Variants in RPAP2 observed in about 807,000 individuals in gnomAD.
RPAP2 encodes the protein putative RNA polymerase II subunit B1 CTD phosphatase RPAP2.
In RPAP2, 52 loss-of-function variants were observed where a neutral mutation model predicts 73.1. That is an observed-to-expected ratio of 0.71 (90% CI 0.57 to 0.90). The LOEUF (loss-of-function observed/expected upper bound fraction) is 0.90. Among genes scored for constraint, RPAP2 ranks in the 40% least tolerant of loss-of-function variants. The probability of loss-of-function intolerance (pLI) is 0.00; values close to 1 mark genes in which losing one functional copy is unlikely to be tolerated. For synonymous variants in RPAP2, 225 were observed against 242.1 expected (o/e 0.93, Z 0.65); for missense variants, 598 against 701.8 (o/e 0.85, Z 1.67).
At chr1:92,327,317 CTG>C (rs1162258478) in intron 8 of RPAP2, among the ~76,000 whole-genome samples, 2 of 152,042 alleles carry the variant, frequency 1.3e-5, no homozygotes, top group African/African-American at 2.4e-5. Flanking sequence ...CTCGTAGTAA[CTG>C]TTTTATAAAT....
In RPAP2 at chr1:92,395,060, T is replaced by G. The variant is rs1656151311; in HGVS notation, c.*8049T>G. 6.6e-6 allele frequency: 1 copy of G among 152,214 alleles called. No individual in the cohort carries two copies. The highest frequency in any genetic ancestry group is 2.1e-4 in the South Asian group (1 of 4,838). 9.4% of individuals were successfully genotyped at this position (152,214 alleles called of 1,614,324 possible). On this transcript the variant is annotated 3_prime_UTR_variant, in exon 13 of 13. Coordinates refer to ENST00000610020, the MANE Select transcript of RPAP2 (RefSeq NM_024813.3). ...TCCCAATGAAATTATGGAGAAAAGA[T>G]GGTCTTTTCAACAAATAGTGCTAGG...
At chr1:92,308,309 C>T (rs1252617706) in intron 6 of RPAP2, among the ~76,000 whole-genome samples, 1 of 152,190 alleles carries the variant, frequency 6.6e-6, no homozygotes, top group Non-Finnish European at 1.5e-5. Context: ...CACCACCAGT[C>T]TGCCAGCTTC....
At chr1:92,327,700 T>C (rs532936920) in intron 8 of RPAP2, among the ~76,000 whole-genome samples, 1 of 151,228 alleles carries the variant, frequency 6.6e-6, no homozygotes, top group African/African-American at 2.5e-5. Flanking sequence ...ATCGTGCTAT[T>C]TGTTGCCTGA....
rs763439308 is a variant in RPAP2, at chr1:92,356,585, A to ATTGT, written c.1688+10673_1688+10674insGTTT. The stretch of plus-strand genomic sequence containing the variant: ...AGGTGTGTGTCACCACTCCTGGCTA[A>ATTGT]TTTTTTTTTTTTTTTTTTTCTGTAT... On this transcript the variant is annotated intron_variant, in intron 11 of 12. Coordinates refer to ENST00000610020, the MANE Select transcript of RPAP2 (RefSeq NM_024813.3). 4.9e-3 allele frequency among the ~76,000 whole-genome samples: 255 copies of ATTGT among 51,766 alleles called. 7 individuals carry two copies. Among genetic ancestry groups the ATTGT allele is most frequent in the African/African-American group, 0.01 (218 of 21,234 alleles). The allele number at this position is 51,766 out of a possible 152,430, so 34.0% of individuals were successfully genotyped here. A position where few individuals can be genotyped will look rare whatever the true frequency, so the allele number is the denominator to read the frequency against.
chr1:92,300,394 A>C (rs979002432), intron 2 of RPAP2, among the ~76,000 whole-genome samples, 155 bp downstream of exon 2: 1 of 152,076 alleles, frequency 6.6e-6, no homozygotes, highest in South Asian at 2.1e-4. Context: ...ATTCTCACAT[A>C]GACTGTTACA....
chr1:92,345,870 C>A lies in RPAP2; in HGVS notation c.1644C>A (p.His548Gln). The A allele has an allele frequency of 6.2e-7, 1 of 1,603,852 alleles. No homozygotes were observed. The highest frequency in any genetic ancestry group is 2.2e-5 in the East Asian group (1 of 44,628). The change falls in exon 11 of 13, where the codon CAC (histidine) becomes CAA (glutamine). Residue 548 changes from histidine to glutamine, a missense_variant. Physicochemically the swap from His to Gln is conservative, Grantham distance 24. Transcript: ENST00000610020. ...TFRLTNRNII[H>Q]KPAEWTLIAM... ...GGTTAACAAATAGAAATATTATACACAAACCTGCGGAATGGACTTTAATTG... is the reference window on the plus strand; with the variant it reads ...GGTTAACAAATAGAAATATTATACAAAAACCTGCGGAATGGACTTTAATTG...
chr1:92,351,408 C>G (rs1201582143), intron 11 of RPAP2, among the ~76,000 whole-genome samples: 1 of 151,542 alleles, frequency 6.6e-6, no homozygotes, highest in Non-Finnish European at 1.5e-5. Flanking sequence ...TTATATTCCT[C>G]ATAATTCCAT....
intron 10 of RPAP2, among the ~76,000 whole-genome samples, chr1:92,339,991 G>A (rs1653512143): frequency 6.6e-6 from 1 of 152,126 alleles, no homozygotes; most frequent in Admixed American, 6.5e-5. Context: ...CTGGGAGTTG[G>A]TAACTGTCAA....
chr1:92,381,591 T>TC (rs1655635953), intron 12 of RPAP2, among the ~76,000 whole-genome samples: 2 of 150,576 alleles, frequency 1.3e-5, no homozygotes, highest in African/African-American at 4.9e-5. Flanking sequence ...AGATTTTCTT[T>TC]TTTTTTTTTT....
intron 6 of RPAP2, among the ~76,000 whole-genome samples, chr1:92,309,937 T>C (rs937577181): frequency 2.6e-5 from 4 of 152,210 alleles, no homozygotes; most frequent in Admixed American, 6.5e-5. Context: ...GAATTTATTC[T>C]GATATTGGTG....
In RPAP2 at chr1:92,323,864, C is replaced by T; in HGVS notation, c.944C>T (p.Ser315Phe). The change falls in exon 8 of 13, where the codon TCT (serine) becomes TTT (phenylalanine). Residue 315 changes from serine to phenylalanine, a missense_variant. Ser to Phe is a radical substitution (Grantham distance 155). Around this residue, in one of 3 missense-constraint regions of RPAP2, gnomAD observed 506 missense variants for 612.8 expected, o/e 0.83. Transcript: ENST00000610020. The part of the protein sequence containing the change: ...LPERLKASEN[S>F]ESEYSRSEIT... ...GAAAGATTAAAAGCGTCAGAAAATTCTGAAAGTGAATACAGTAGGTCAGAA... is the reference window on the plus strand; with the variant it reads ...GAAAGATTAAAAGCGTCAGAAAATTTTGAAAGTGAATACAGTAGGTCAGAA... The T allele has an allele frequency of 6.2e-7, 1 of 1,613,932 alleles. No homozygotes were observed. The highest frequency in any genetic ancestry group is 2.2e-5 in the East Asian group (1 of 44,870).
Position 92,323,953 on chromosome 1 carries a change from A to G in RPAP2, c.1033A>G (p.Asn345Asp). 6.2e-7 allele frequency: 1 copy of G among 1,614,188 alleles called. No homozygotes were observed. The highest frequency in any genetic ancestry group is 8.5e-7 in the Non-Finnish European group (1 of 1,180,020). ...EHFKRKFAKS[N>D]QVSRSVSSSV... Reference sequence around the variant, plus strand: ...TTTTAAGAGAAAATTTGCCAAATCAAACCAAGTGTCTAGGTCAGTGTCTAG... The same window carrying G: ...TTTTAAGAGAAAATTTGCCAAATCAGACCAAGTGTCTAGGTCAGTGTCTAG... Residue 345 changes from asparagine to aspartate, a missense_variant, in exon 8 of 13, where the codon AAC (asparagine) becomes GAC (aspartate). By Grantham distance (23) the Asn-to-Asp change is conservative (BLOSUM62 1). Around this residue, in one of 3 missense-constraint regions of RPAP2, gnomAD observed 506 missense variants for 612.8 expected, o/e 0.83. Coordinates refer to ENST00000610020, the MANE Select transcript of RPAP2 (RefSeq NM_024813.3).
chr1:92,361,296 T>G (rs78967475), intron 11 of RPAP2, among the ~76,000 whole-genome samples: 1 of 152,060 alleles, frequency 6.6e-6, no homozygotes, highest in Non-Finnish European at 1.5e-5. Flanking sequence ...CAAAACATAA[T>G]CTCCATGCAG....
chr1:92,356,588 T>G (rs28427061), intron 11 of RPAP2, among the ~76,000 whole-genome samples: 4,790 of 19,314 alleles, frequency 0.25, 261 homozygotes, highest in African/African-American at 0.37. Flanking sequence ...CTGGCTAATT[T>G]TTTTTTTTTT....
chr1:92,367,535 A>T (rs1654979122), intron 11 of RPAP2, among the ~76,000 whole-genome samples: 1 of 152,186 alleles, frequency 6.6e-6, no homozygotes, highest in African/African-American at 2.4e-5. Flanking sequence ...ATGAGTGTTT[A>T]AAAAAATTTT....
intron 1 of RPAP2, 112 bp downstream of exon 1, chr1:92,299,258 C>G: frequency 3.6e-6 from 2 of 558,196 alleles, no homozygotes. Flanking sequence ...GGGAGGGGTT[C>G]TCCCAGGTAG....
At chr1:92,370,654 C>T (rs1655109523) in intron 11 of RPAP2, among the ~76,000 whole-genome samples, 2 of 151,348 alleles carry the variant, frequency 1.3e-5, no homozygotes, top group African/African-American at 4.9e-5. Flanking sequence ...GAAAAGAGAC[C>T]AAATCACTAT....
chr1:92,299,144 C>A lies in RPAP2; in HGVS notation c.71C>A (p.Ala24Glu). ...AGAPRCSRKAAGTKQTSTLKQ... is the reference protein window; with the variant it reads ...AGAPRCSRKAEGTKQTSTLKQ... ...GCTCCCCGCTGCTCTCGAAAAGCCGCAGGTAGGAGCAAGGATCTCTTCCCA... is the reference window on the plus strand; with the variant it reads ...GCTCCCCGCTGCTCTCGAAAAGCCGAAGGTAGGAGCAAGGATCTCTTCCCA... The change falls in exon 1 of 13, where the codon GCA (alanine) becomes GAA (glutamate). Residue 24 changes from alanine to glutamate, a missense_variant and splice_region_variant. This residue lies in a region of RPAP2 where 77 missense variants were observed against 55.7 expected (regional missense o/e 1.38). Coordinates refer to ENST00000610020, the MANE Select transcript of RPAP2 (RefSeq NM_024813.3). 6.6e-7 allele frequency: 1 copy of A among 1,512,446 alleles called. No individual in the cohort carries two copies. Among genetic ancestry groups the A allele is most frequent in the Non-Finnish European group, 8.9e-7 (1 of 1,125,286 alleles). The allele number at this position is 1,512,446 out of a possible 1,614,324, so 93.7% of individuals were successfully genotyped here.
chr1:92,384,231 C>G (rs1318247201), intron 12 of RPAP2, among the ~76,000 whole-genome samples: 2 of 151,904 alleles, frequency 1.3e-5, no homozygotes, highest in African/African-American at 2.4e-5. Context: ...GCTGGGATTA[C>G]AAGCGTGAGC....
Sources: gnomAD v4.1 joint callset for allele counts (sites outside exome capture counted in the v4.1 genomes callset) on GRCh38, gnomAD v4.1.1 for gene constraint, gnomAD v4.1.1 regional missense constraint, MANE v1.5 for transcripts, NCBI Gene and HGNC (gene_info 2026-07-23, HGNC 2026-07-21) for gene names.